The following ALK variants were observed in gnomAD, a reference collection of about 807,000 sequenced individuals.
ALK encodes the protein ALK receptor tyrosine kinase.
Under a neutral mutation model 163.1 loss-of-function variants are expected in ALK, and 74 were observed. The observed-to-expected ratio is 0.45, with a 90% CI of 0.38 to 0.55. The LOEUF (loss-of-function observed/expected upper bound fraction) is 0.55. Among genes scored for constraint, ALK ranks in the 20% least tolerant of loss-of-function variants. ALK has a pLI of 0.00. For missense variants in ALK, 2,063 were observed against 2,105.3 expected, an observed-to-expected ratio of 0.98 and a Z score of 0.39; for synonymous variants, 960 against 843.2, an observed-to-expected ratio of 1.14 and a Z score of -2.40.
intron 4 of ALK, among the ~76,000 whole-genome samples, chr2:29,403,003 G>T (rs901861994): frequency 2.0e-5 from 3 of 152,120 alleles, no homozygotes; most frequent in Non-Finnish European, 4.4e-5. Context: ...TGGGGGCATG[G>T]TGCTTTCTGC....
At chr2:29,216,584 G>A (rs947266188) in intron 23 of ALK, among the ~76,000 whole-genome samples, 6 of 152,136 alleles carry the variant, frequency 3.9e-5, no homozygotes, top group Non-Finnish European at 7.4e-5. Flanking sequence ...GTCAGCAAGC[G>A]TGGGTTATGG....
intron 3 of ALK, among the ~76,000 whole-genome samples, chr2:29,611,868 C>T (rs1188967096): frequency 6.6e-6 from 1 of 152,200 alleles, no homozygotes; most frequent in Non-Finnish European, 1.5e-5. Context: ...GTGAAGCCTG[C>T]AGAGCTGTGA....
chr2:29,389,279 A>G (rs2148305810), intron 4 of ALK, among the ~76,000 whole-genome samples: 1 of 152,360 alleles, frequency 6.6e-6, no homozygotes. Context: ...ACCATATGCT[A>G]TTAAAGCCGA....
At chr2:29,269,313 T>A (rs1386629468) in intron 11 of ALK, among the ~76,000 whole-genome samples, 1 of 152,166 alleles carries the variant, frequency 6.6e-6, no homozygotes, top group Admixed American at 6.5e-5. Context: ...CGTCACCAGG[T>A]CCCTGGAGAA....
At chr2:29,304,131 C>T (rs1666440894) in intron 8 of ALK, among the ~76,000 whole-genome samples, 2 of 152,184 alleles carry the variant, frequency 1.3e-5, no homozygotes, top group Admixed American at 1.3e-4. Flanking sequence ...CCTCTAAGAG[C>T]CAGTCAGTGG....
intron 1 of ALK, among the ~76,000 whole-genome samples, chr2:29,725,495 C>T (rs1253696224): frequency 6.6e-6 from 1 of 152,214 alleles, no homozygotes; most frequent in African/African-American, 2.4e-5. Flanking sequence ...AAAACCTGAA[C>T]TTGGGCCCTG....
At chr2:29,756,354 C>G (rs1680531024) in intron 1 of ALK, among the ~76,000 whole-genome samples, 1 of 152,214 alleles carries the variant, frequency 6.6e-6, no homozygotes. Flanking sequence ...TGTGTCATAT[C>G]TGCCTTCCCA....
At chr2:29,762,573 G>T (rs1680738892) in intron 1 of ALK, among the ~76,000 whole-genome samples, 1 of 152,156 alleles carries the variant, frequency 6.6e-6, no homozygotes, top group African/African-American at 2.4e-5. Context: ...TGATAATAAG[G>T]GGTTGGTAGG....
In ALK at chr2:29,489,575, C is replaced by T. The variant is rs1302313367; in HGVS notation, c.1154+42340G>A. On this transcript the variant is annotated intron_variant, in intron 4 of 28. Transcript: ENST00000389048. ...TTGGCCTCCCAAAGTATTGGGATTA[C>T]AGGTATGAACCACTGTGCCTGGCCC... Among the ~76,000 whole-genome samples the T allele has an allele frequency of 1.1e-4, 17 of 152,324 alleles. No homozygotes were observed. In the South Asian group the frequency reaches 3.5e-3, roughly 32 times the overall value.
intron 3 of ALK, among the ~76,000 whole-genome samples, chr2:29,657,319 G>C (rs1467987517): frequency 2.0e-5 from 3 of 152,116 alleles, no homozygotes. Flanking sequence ...AATACCATTT[G>C]TGTCTTTCAG....
intron 4 of ALK, among the ~76,000 whole-genome samples, chr2:29,530,811 C>T (rs1673101374): frequency 6.6e-6 from 1 of 152,174 alleles, no homozygotes; most frequent in Admixed American, 6.5e-5. Flanking sequence ...TCTCAGCCAG[C>T]CCAGAGAGGC....
intron 4 of ALK, among the ~76,000 whole-genome samples, chr2:29,524,075 T>C (rs1672889432): frequency 6.6e-6 from 1 of 152,072 alleles, no homozygotes; most frequent in South Asian, 2.1e-4. Context: ...ACTTTTCATC[T>C]TTTCATCGAT....
chr2:29,543,996 T>C (rs1416856792), intron 3 of ALK, among the ~76,000 whole-genome samples: 1 of 152,164 alleles, frequency 6.6e-6, no homozygotes, highest in African/African-American at 2.4e-5. Context: ...TGGATTTCCA[T>C]CTCAATCAAT....
In ALK at chr2:29,227,222, G is replaced by T. The variant is rs1664028877; in HGVS notation, c.2915-148C>A. ...CCACTGGAAGCACAACTGTGTAGAA[G>T]AGTCTTCCTGTGCATATAGAGAGTG... is the stretch of plus-strand genomic sequence containing the variant. On this transcript the variant is annotated intron_variant, in intron 17 of 28. Coordinates refer to ENST00000389048, the MANE Select transcript of ALK (RefSeq NM_004304.5). The surrounding 1 kb of genome is among the most constrained non-coding windows in gnomAD (Gnocchi z 4.4). The T allele has an allele frequency of 1.8e-5, 19 of 1,055,502 alleles. No individual in the cohort carries two copies. The highest frequency in any genetic ancestry group is 1.5e-4 in the Admixed American group (8 of 53,984). The allele number at this position is 1,055,502 out of a possible 1,614,324, so 65.4% of individuals were successfully genotyped here. A position where few individuals can be genotyped will look rare whatever the true frequency, so the allele number is the denominator to read the frequency against.
At chr2:29,701,070 T>A (rs543684074) in intron 2 of ALK, among the ~76,000 whole-genome samples, 1 of 152,328 alleles carries the variant, frequency 6.6e-6, no homozygotes, top group East Asian at 1.9e-4. Context: ...AGGTTCCAGC[T>A]ATTCTCCATA....
rs1165025937 is a variant in ALK, at chr2:29,750,592, T to G, written c.668-32895A>C. Among the ~76,000 whole-genome samples, 6 of 144,670 alleles carry G rather than the reference T, an allele frequency of 4.1e-5. No homozygotes were observed. In the Admixed American group the frequency reaches 4.3e-4, roughly 10 times the overall value. 94.9% of individuals were successfully genotyped at this position (144,670 alleles called of 152,430 possible). A position where few individuals can be genotyped will look rare whatever the true frequency, so the allele number is the denominator to read the frequency against. ...GTGGGAAGATTGCTTGAGGTCAGGT[T>G]GATTGCTTGAGTGGAGTGGAGTGTA... On this transcript the variant is annotated intron_variant, in intron 1 of 28. Transcript: ENST00000389048.
At chr2:29,736,025 A>G (rs1397375572) in intron 1 of ALK, among the ~76,000 whole-genome samples, 3 of 152,096 alleles carry the variant, frequency 2.0e-5, no homozygotes, top group African/African-American at 7.3e-5. Flanking sequence ...AACTTGCTCA[A>G]GACCCCAAGC....
chr2:29,823,391 G>A (rs192873505), intron 1 of ALK, among the ~76,000 whole-genome samples: 1 of 152,284 alleles, frequency 6.6e-6, no homozygotes, highest in East Asian at 1.9e-4. Flanking sequence ...AAGCGACTTT[G>A]GAACTGGGTA....
Position 29,233,665 on chromosome 2 carries a change from C to T in ALK, c.2387G>A (p.Gly796Glu), listed in dbSNP as rs1263111905. 1.2e-6 allele frequency: 2 copies of T among 1,614,228 alleles called. No homozygotes were observed. The highest frequency in any genetic ancestry group is 1.7e-5 in the Admixed American group (1 of 60,020). The change falls in exon 14 of 29, where the codon GGA becomes GAA. Residue 796 changes from glycine to glutamate, a missense_variant. Coordinates refer to ENST00000389048, the MANE Select transcript of ALK (RefSeq NM_004304.5). ...TNQLIQKVCI[G>E]ENNVIEEEIR... ...TTCTTCTTCTATCACATTGTTCTCT[C>T]CAATGCAGACTTTCTGGATTAACTG...
Sources: gnomAD v4.1 joint callset for allele counts (sites outside exome capture counted in the v4.1 genomes callset) on GRCh38, gnomAD v4.1.1 for gene constraint, Gnocchi (gnomAD v3.1) non-coding constraint, MANE v1.5 for transcripts, NCBI Gene and HGNC (gene_info 2026-07-23, HGNC 2026-07-21) for gene names.